The following EGFLAM variants were observed in gnomAD, a reference collection of about 807,000 sequenced individuals.
EGFLAM encodes the protein pikachurin.
A neutral mutation model predicts 113.1 loss-of-function variants in EGFLAM; 79 were observed. The observed-to-expected ratio is 0.70, with a 90% confidence interval of 0.58 to 0.84. The LOEUF (loss-of-function observed/expected upper bound fraction) is 0.84, where lower values mean the gene tolerates loss of function less well. EGFLAM is among the 40% of genes least tolerant of loss of function. The probability of loss-of-function intolerance (pLI) is 0.00; values close to 1 mark genes in which losing one functional copy is unlikely to be tolerated. For synonymous variants in EGFLAM, 504 were observed against 487.6 expected (o/e 1.03, Z -0.44); for missense variants, 1,265 against 1,291.6 (o/e 0.98, Z 0.32).
intron 5 of EGFLAM, among the ~76,000 whole-genome samples, 166 bp downstream of exon 5, chr5:38,352,497 A>C (rs1352116306): frequency 2.0e-5 from 3 of 152,004 alleles, no homozygotes; most frequent in African/African-American, 4.8e-5. Flanking sequence ...AAATACAAAA[A>C]TTAGCTGGGC....
intron 1 of EGFLAM, among the ~76,000 whole-genome samples, chr5:38,298,325 G>C (rs1298489482): frequency 1.3e-5 from 2 of 152,114 alleles, no homozygotes; most frequent in Non-Finnish European, 2.9e-5. Context: ...TTTAGGTACT[G>C]TCTTCCAGGG....
At chr5:38,448,499 C>A in intron 18 of EGFLAM, 120 bp downstream of exon 18, 1 of 1,032,868 alleles carries the variant, frequency 9.7e-7, no homozygotes, top group Non-Finnish European at 1.5e-6. Flanking sequence ...ACCATTCAGC[C>A]ATGGCCTCAG....
intron 10 of EGFLAM, among the ~76,000 whole-genome samples, chr5:38,411,883 T>C (rs1001345827): frequency 1.3e-5 from 2 of 152,192 alleles, no homozygotes; most frequent in East Asian, 1.9e-4. Flanking sequence ...CACTGTAACC[T>C]CCACCTCCTG....
chr5:38,383,249 A>G (rs559539747), intron 6 of EGFLAM, among the ~76,000 whole-genome samples: 15 of 152,256 alleles, frequency 9.9e-5, no homozygotes, highest in Non-Finnish European at 1.6e-4. Flanking sequence ...TTTGGCGTTT[A>G]TAACATTTTA....
rs1306803492 is a variant in EGFLAM, at chr5:38,443,891, C to T, written c.2465-4410C>T. Among the ~76,000 whole-genome samples the T allele has an allele frequency of 7.2e-5, 11 of 152,058 alleles. No homozygotes were observed. In the South Asian group the frequency reaches 2.1e-3, roughly 29 times the overall value. ...GTTCAAACTATTCTTCTGCCTCAGC[C>T]TCATGAGTAGCTGAGATTACAGGCA... is the stretch of plus-strand genomic sequence containing the variant. On this transcript the variant is annotated intron_variant, in intron 17 of 21. Coordinates refer to ENST00000322350, the MANE Select transcript of EGFLAM (RefSeq NM_152403.4).
chr5:38,285,896 A>G (rs941981193), intron 1 of EGFLAM: 1 of 152,072 alleles, frequency 6.6e-6, no homozygotes, highest in Admixed American at 6.6e-5. Flanking sequence ...TCCGTCCCAC[A>G]ACTTGTGGGA....
intron 1 of EGFLAM, among the ~76,000 whole-genome samples, chr5:38,270,688 T>C (rs1264911250): frequency 6.6e-6 from 1 of 152,222 alleles, no homozygotes. Flanking sequence ...AGTTTCTTTA[T>C]GCCTTATATA....
chr5:38,379,630 C>T (rs1384303448), intron 6 of EGFLAM, among the ~76,000 whole-genome samples: 5 of 150,826 alleles, frequency 3.3e-5, no homozygotes, highest in African/African-American at 2.5e-5. Flanking sequence ...CCCCGGGTGC[C>T]CTCAGTGTGA....
At chr5:38,350,176 A>G (rs910024645) in intron 3 of EGFLAM, among the ~76,000 whole-genome samples, 7 of 152,220 alleles carry the variant, frequency 4.6e-5, no homozygotes, top group Non-Finnish European at 8.8e-5. Flanking sequence ...ACAGCCTTAG[A>G]AAGAATCATT....
chr5:38,328,857 C>T (rs1331120338), intron 1 of EGFLAM, among the ~76,000 whole-genome samples: 1 of 151,368 alleles, frequency 6.6e-6, no homozygotes, highest in Non-Finnish European at 1.5e-5. Context: ...ATTTTTTACC[C>T]CTCCATCTGT....
In EGFLAM at chr5:38,361,439, T is replaced by G. The variant is rs114681435; in HGVS notation, c.546-8857T>G. Among the ~76,000 whole-genome samples the G allele has an allele frequency of 8.2e-3, 1,251 of 152,328 alleles. 19 individuals carry two copies. The highest frequency in any genetic ancestry group is 0.024 in the African/African-American group (978 of 41,576). On this transcript the variant is annotated intron_variant, in intron 5 of 21. Transcript: ENST00000322350. ...CTACCTTGCTCCTTTGTGTGGAATATAGGACATAGCACTGTGAACACACCA... is the reference window on the plus strand; with the variant it reads ...CTACCTTGCTCCTTTGTGTGGAATAGAGGACATAGCACTGTGAACACACCA...
At chr5:38,341,336 G>A (rs575568772) in intron 3 of EGFLAM, among the ~76,000 whole-genome samples, 1 of 152,300 alleles carries the variant, frequency 6.6e-6, no homozygotes, top group African/African-American at 2.4e-5. Flanking sequence ...CTCTTCACAG[G>A]GCAGCAGGAG....
chr5:38,302,395 C>T (rs1404289356), intron 1 of EGFLAM, among the ~76,000 whole-genome samples: 1 of 152,140 alleles, frequency 6.6e-6, no homozygotes, highest in Non-Finnish European at 1.5e-5. Context: ...GGCCATCCTC[C>T]TGCTCCATGA....
intron 1 of EGFLAM, among the ~76,000 whole-genome samples, chr5:38,307,198 G>A (rs1758742185): frequency 6.6e-6 from 1 of 152,200 alleles, no homozygotes; most frequent in South Asian, 2.1e-4. Context: ...TTGTTTTTCA[G>A]TAACAGATAA....
chr5:38,370,555 A>T (rs1740182387), intron 6 of EGFLAM, 93 bp downstream of exon 6: 2 of 1,445,956 alleles, frequency 1.4e-6, no homozygotes, highest in Admixed American at 4.5e-5. Flanking sequence ...GTGCAGAAGG[A>T]CAGCCTGGAA....
chr5:38,412,694 A>G (rs970056608), intron 11 of EGFLAM, 46 bp downstream of exon 11: 3 of 1,598,508 alleles, frequency 1.9e-6, no homozygotes, highest in Non-Finnish European at 2.6e-6. Context: ...ACCACCCACC[A>G]TAAGTCTCCT....
At chr5:38,440,973 C>G (rs1001955072) in intron 17 of EGFLAM, among the ~76,000 whole-genome samples, 4 of 152,186 alleles carry the variant, frequency 2.6e-5, no homozygotes, top group Non-Finnish European at 4.4e-5. Context: ...CTCTTGGTAA[C>G]CCAGGAGAGC....
intron 11 of EGFLAM, among the ~76,000 whole-genome samples, chr5:38,417,557 G>C (rs775905327): frequency 3.9e-5 from 6 of 151,936 alleles, no homozygotes; most frequent in Non-Finnish European, 8.8e-5. Flanking sequence ...TAATCTGTTT[G>C]GTAATTCCCC....
chr5:38,351,208 A>G (rs1012221080), intron 4 of EGFLAM, among the ~76,000 whole-genome samples: 2 of 151,286 alleles, frequency 1.3e-5, no homozygotes, highest in African/African-American at 4.9e-5. Flanking sequence ...TCCTGGGTTC[A>G]AGCGATTCTT....
Sources: allele counts gnomAD v4.1 joint callset (sites outside exome capture counted in the v4.1 genomes callset), GRCh38; gene constraint gnomAD v4.1.1; transcripts MANE v1.5; gene names NCBI Gene and HGNC (gene_info 2026-07-23, HGNC 2026-07-21).